Variants in NFIB observed in about 807,000 individuals in gnomAD.
NFIB encodes nuclear factor 1 B-type.
NFIB carries 11 observed loss-of-function variants against 61.5 expected under a neutral mutation model. The ratio of observed to expected loss-of-function variants is 0.18; its 90% CI spans 0.11 to 0.30. NFIB has a LOEUF of 0.30. Ranked by LOEUF, NFIB falls within the 10% of genes least tolerant of loss-of-function variation. NFIB has a pLI of 1.00. For missense variants in NFIB, 471 were observed against 608.9 expected (o/e 0.77, Z 2.38); for synonymous variants, 260 against 216.5 (o/e 1.20, Z -1.76).
chr9:14,442,766 T>C, the NFIB span, among the ~76,000 whole-genome samples: 7 of 152,200 alleles, frequency 4.6e-5, no homozygotes, highest in Non-Finnish European at 1.0e-4. Flanking sequence ...GGTCACATTC[T>C]GAGGATCTGG....
intron 2 of NFIB, among the ~76,000 whole-genome samples, chr9:14,205,658 C>A (rs1265535509): frequency 6.6e-6 from 1 of 152,100 alleles, no homozygotes; most frequent in Non-Finnish European, 1.5e-5. Flanking sequence ...GTAATCTAAG[C>A]TTCAACTGAA....
chr9:14,463,805 C>T, the NFIB span, among the ~76,000 whole-genome samples: 126 of 151,928 alleles, frequency 8.3e-4, no homozygotes, highest in Middle Eastern at 6.8e-3. Flanking sequence ...GGACTACAGG[C>T]GCCCGCCACC....
chr9:14,342,744 T>C (rs989389509), intron 1 of NFIB, among the ~76,000 whole-genome samples: 1 of 152,164 alleles, frequency 6.6e-6, no homozygotes, highest in Non-Finnish European at 1.5e-5. Context: ...TCTTGACAAG[T>C]TGTCACTACC....
the NFIB span, among the ~76,000 whole-genome samples, chr9:14,407,940 G>C: frequency 2.6e-4 from 40 of 152,170 alleles, no homozygotes; most frequent in East Asian, 6.4e-3. Context: ...TCCCATCCTT[G>C]CCTCTCAAAG....
intron 2 of NFIB, among the ~76,000 whole-genome samples, chr9:14,229,562 T>TA (rs1257058253): frequency 6.6e-6 from 1 of 152,138 alleles, no homozygotes; most frequent in Non-Finnish European, 1.5e-5. Flanking sequence ...TTGTGGCACA[T>TA]AAAAAAATCT....
At chr9:14,414,691 C>T in the NFIB span, among the ~76,000 whole-genome samples, 3 of 151,644 alleles carry the variant, frequency 2.0e-5, no homozygotes, top group Non-Finnish European at 2.9e-5. Context: ...AGAATGTGCT[C>T]AGTAAATGAC....
intron 3 of NFIB, among the ~76,000 whole-genome samples, chr9:14,178,756 T>C (rs902707346): frequency 6.6e-6 from 1 of 152,180 alleles, no homozygotes; most frequent in Non-Finnish European, 1.5e-5. Context: ...GCAATTTTGG[T>C]GTTCTTCTGG....
chr9:14,523,431 T>C, the NFIB span, among the ~76,000 whole-genome samples: 1 of 152,074 alleles, frequency 6.6e-6, no homozygotes, highest in Non-Finnish European at 1.5e-5. Context: ...CCCATTCTAC[T>C]TGAGGTTTCT....
At chr9:14,469,467 G>A in the NFIB span, among the ~76,000 whole-genome samples, 1 of 152,142 alleles carries the variant, frequency 6.6e-6, no homozygotes, top group African/African-American at 2.4e-5. Context: ...CAGTGAGTTT[G>A]CCTTTGCCCA....
At chr9:14,180,068 T>C (rs2046600225) in intron 2 of NFIB, among the ~76,000 whole-genome samples, 1 of 152,194 alleles carries the variant, frequency 6.6e-6, no homozygotes, top group African/African-American at 2.4e-5. Context: ...CCATTGAAGA[T>C]GGTTTGAAGG....
chr9:14,506,197 AT>A, the NFIB span, among the ~76,000 whole-genome samples: 1 of 152,180 alleles, frequency 6.6e-6, no homozygotes, highest in Non-Finnish European at 1.5e-5. Context: ...CCCATGTTTT[AT>A]TACAATTGAC....
intron 10 of NFIB, 140 bp from the exon 11 acceptor site, chr9:14,088,466 G>A (rs1324791633): frequency 3.4e-6 from 3 of 881,236 alleles, no homozygotes; most frequent in East Asian, 3.3e-5. Flanking sequence ...AGTCTAATAT[G>A]AGATAAATGT....
intron 10 of NFIB, among the ~76,000 whole-genome samples, chr9:14,100,191 G>A (rs1340553703): frequency 6.6e-6 from 1 of 152,140 alleles, no homozygotes; most frequent in East Asian, 1.9e-4. Context: ...ATTTTTGAGA[G>A]GGAAGAAACA....
At chr9:14,166,158 CTTAA>C (rs1264073212) in intron 3 of NFIB, among the ~76,000 whole-genome samples, 1 of 152,188 alleles carries the variant, frequency 6.6e-6, no homozygotes, top group East Asian at 1.9e-4. Context: ...TAATTCTCAC[CTTAA>C]TTGTTACTAT....
the NFIB span, among the ~76,000 whole-genome samples, chr9:14,491,083 T>G: frequency 2.0e-3 from 308 of 152,306 alleles, 1 homozygote; most frequent in African/African-American, 7.2e-3. Flanking sequence ...TCCATGTGGT[T>G]TTAAATCCTG....
intron 1 of NFIB, among the ~76,000 whole-genome samples, chr9:14,378,619 T>A (rs1370279104): frequency 6.6e-6 from 1 of 152,182 alleles, no homozygotes; most frequent in Non-Finnish European, 1.5e-5. Flanking sequence ...CCTCCCAAAG[T>A]GTTGGGATTA....
intron 1 of NFIB, among the ~76,000 whole-genome samples, chr9:14,394,566 A>T (rs938129505): frequency 1.1e-4 from 16 of 152,202 alleles, no homozygotes; most frequent in African/African-American, 3.4e-4. Context: ...TAAGAACAGT[A>T]TGGGGAAAAT....
intron 2 of NFIB, among the ~76,000 whole-genome samples, chr9:14,223,770 T>C (rs1483643740): frequency 6.6e-6 from 1 of 152,168 alleles, no homozygotes; most frequent in Non-Finnish European, 1.5e-5. Context: ...CCTCTAAATA[T>C]ACTAAATCAA....
At chr9:14,407,743 G>C in the NFIB span, among the ~76,000 whole-genome samples, 1 of 152,006 alleles carries the variant, frequency 6.6e-6, no homozygotes, top group Non-Finnish European at 1.5e-5. Context: ...CTGGAGTGTG[G>C]TGGTACAATC....
Sources: gnomAD v4.1 joint callset for allele counts (sites outside exome capture counted in the v4.1 genomes callset) on GRCh38, gnomAD v4.1.1 for gene constraint, MANE v1.5 for transcripts, NCBI Gene and HGNC (gene_info 2026-07-23, HGNC 2026-07-21) for gene names.